HELZ: variants seen among roughly 807,000 people sequenced by gnomAD.
HELZ encodes ATP-dependent RNA helicase with zinc finger domain.
Under a neutral mutation model 218.2 loss-of-function variants are expected in HELZ, and 23 were observed. That is an observed-to-expected ratio of 0.11 (90% CI 0.08 to 0.15). HELZ has a LOEUF of 0.15. Ranked by LOEUF, HELZ falls within the 10% of genes least tolerant of loss-of-function variation. The pLI, the probability that HELZ is intolerant of heterozygous loss-of-function variation, is 1.00. For synonymous variants in HELZ, 814 were observed against 829.4 expected (o/e 0.98, Z 0.32); for missense variants, 1,813 against 2,353.7 (o/e 0.77, Z 4.75).
intron 14 of HELZ, among the ~76,000 whole-genome samples, chr17:67,166,912 A>G (rs2039162694): frequency 6.6e-6 from 1 of 152,220 alleles, no homozygotes; most frequent in African/African-American, 2.4e-5. Context: ...CCTAATCTCT[A>G]GTTAAAGGCT....
intron 32 of HELZ, 101 bp from the exon 33 acceptor site, chr17:67,078,687 C>T (rs2036091997): frequency 2.5e-6 from 2 of 792,280 alleles, no homozygotes; most frequent in South Asian, 6.7e-5. Flanking sequence ...TCTCCAGGAA[C>T]TCAAGGACAG....
intron 27 of HELZ, among the ~76,000 whole-genome samples, chr17:67,115,118 T>A (rs1047693913): frequency 6.6e-6 from 1 of 152,044 alleles, no homozygotes; most frequent in Non-Finnish European, 1.5e-5. Context: ...CATGCCAGAA[T>A]TACCTTACCA....
Position 67,146,155 on chromosome 17 carries a change from G to T in HELZ, c.2622-265C>A, listed in dbSNP as rs554535471. ...ATGATGACAGTTCAATACAAGATGA[G>T]ACTTTATGAGGAAATTTGCTAGCCT... On this transcript the variant is annotated intron_variant, in intron 20 of 32. Coordinates refer to ENST00000358691, the MANE Select transcript of HELZ (RefSeq NM_014877.4). Among the ~76,000 whole-genome samples the T allele has an allele frequency of 2.0e-5, 3 of 152,190 alleles. No homozygotes were observed. The East Asian group carries it at 5.8e-4, about 29-fold the overall frequency.
chr17:67,158,339 T>C (rs541664301), intron 17 of HELZ, among the ~76,000 whole-genome samples: 6 of 152,314 alleles, frequency 3.9e-5, no homozygotes, highest in Middle Eastern at 3.4e-3. Context: ...CAGATAAAGC[T>C]AATCTTCCCA....
intron 21 of HELZ, 111 bp from the exon 22 acceptor site, chr17:67,138,225 T>TTAA: frequency 9.2e-6 from 5 of 541,510 alleles, no homozygotes; most frequent in Non-Finnish European, 1.4e-5. Context: ...AGATGTCATT[T>TTAA]AAAAAAAAAA....
chr17:67,104,700 C>CA (rs2037043867), intron 31 of HELZ, among the ~76,000 whole-genome samples: 2 of 151,706 alleles, frequency 1.3e-5, no homozygotes, highest in African/African-American at 2.4e-5. Context: ...AACTAAGTAA[C>CA]AAAAAAATAA....
Position 67,145,823 on chromosome 17 carries a change from A to G in HELZ, c.2689T>C (p.Phe897Leu). The G allele has an allele frequency of 6.2e-7, 1 of 1,613,796 alleles. No homozygotes were observed. Among genetic ancestry groups the G allele is most frequent in the South Asian group, 1.1e-5 (1 of 91,062 alleles). Residue 897 changes from phenylalanine to leucine, a missense_variant, in exon 21 of 33, where the codon TTC (phenylalanine) becomes CTC (leucine). Phe to Leu is a conservative substitution (Grantham distance 22, BLOSUM62 0). This residue lies in a region of HELZ where 156 missense variants were observed against 274.4 expected (regional missense o/e 0.57). Coordinates refer to ENST00000358691, the MANE Select transcript of HELZ (RefSeq NM_014877.4). ...GCTGTAAAGAAAGTTAGTGGGTAGA[A>G]ATCTTTGTGTGCTGGCTGCTTCCCA... ...ASGKQPAHKD[F>L]YPLTFFTARG...
chr17:67,133,147 G>GT (rs200930673), intron 23 of HELZ, among the ~76,000 whole-genome samples: 50 of 150,892 alleles, frequency 3.3e-4, no homozygotes, highest in African/African-American at 6.6e-4. Context: ...TGAAATGTAT[G>GT]TTTTTTTTTC....
rs543378522 is a variant in HELZ at position 67,174,056 on chromosome 17, T to C, written c.1430+4603A>G. Among the ~76,000 whole-genome samples the C allele has an allele frequency of 8.7e-4, 133 of 152,300 alleles. 1 individual carries two copies. In the South Asian group the frequency reaches 0.014, roughly 16 times the overall value. Reference sequence around the variant, plus strand: ...ACACACACCAACATGTGACTGAGGATAAGAGAAGTAAAACAAATCTCAAAA... The same window carrying C: ...ACACACACCAACATGTGACTGAGGACAAGAGAAGTAAAACAAATCTCAAAA... On this transcript the variant is annotated intron_variant, in intron 13 of 32. Coordinates refer to ENST00000358691, the MANE Select transcript of HELZ (RefSeq NM_014877.4).
At chr17:67,233,596 G>A (rs2041095729) in intron 3 of HELZ, among the ~76,000 whole-genome samples, 1 of 152,008 alleles carries the variant, frequency 6.6e-6, no homozygotes, top group South Asian at 2.1e-4. Flanking sequence ...ACTTTTCAGG[G>A]CCCTAAACTT....
At chr17:67,243,168 A>C (rs1166117078) in intron 2 of HELZ, among the ~76,000 whole-genome samples, 5 of 152,246 alleles carry the variant, frequency 3.3e-5, no homozygotes, top group Non-Finnish European at 7.3e-5. Flanking sequence ...ACTTTGAATA[A>C]ATTCACACAC....
chr17:67,076,535 C>T lies in HELZ; in HGVS notation c.*1717G>A, dbSNP rs144536657. ...CGCAAAGCCACACACAAATGAACCG[C>T]ACTCTTAGCAGAAAGGTAGAGCTGA... On this transcript the variant is annotated 3_prime_UTR_variant, in exon 33 of 33. Coordinates refer to ENST00000358691, the MANE Select transcript of HELZ (RefSeq NM_014877.4). 1,672 of 152,480 alleles carry T rather than the reference C, an allele frequency of 0.011. 21 individuals carry two copies. Among genetic ancestry groups the T allele is most frequent in the South Asian group, 0.018 (85 of 4,828 alleles). 9.4% of individuals were successfully genotyped at this position (152,480 alleles called of 1,614,324 possible). A position where few individuals can be genotyped will look rare whatever the true frequency, so the allele number is the denominator to read the frequency against.
At chr17:67,231,098 C>A (rs559136595) in intron 3 of HELZ, among the ~76,000 whole-genome samples, 1 of 152,042 alleles carries the variant, frequency 6.6e-6, no homozygotes, top group East Asian at 1.9e-4. Context: ...AATTGAGGAC[C>A]ATTCTATTAA....
intron 31 of HELZ, among the ~76,000 whole-genome samples, chr17:67,094,050 G>A (rs1324725734): frequency 6.6e-6 from 1 of 152,092 alleles, no homozygotes; most frequent in Middle Eastern, 3.2e-3. Flanking sequence ...TAAGATAAAA[G>A]CTGGAAACAG....
chr17:67,225,966 T>C (rs2040877739), intron 3 of HELZ, among the ~76,000 whole-genome samples: 1 of 147,464 alleles, frequency 6.8e-6, no homozygotes, highest in Non-Finnish European at 1.5e-5. Context: ...AGATCTGAAA[T>C]ATAAAGAACT....
Position 67,072,012 on chromosome 17 carries a change from C to T in HELZ, c.*6240G>A, listed in dbSNP as rs1422624522. On this transcript the variant is annotated 3_prime_UTR_variant, in exon 33 of 33. Transcript: ENST00000358691. ...ATCCTTTGCCCTCACCACCCTCCCC[C>T]ACAAAAAAAAAAAATAATAATAACC... 9 of 147,780 alleles carry T rather than the reference C, an allele frequency of 6.1e-5. No homozygotes were observed. The highest frequency in any genetic ancestry group is 6.1e-4 in the Admixed American group (9 of 14,786). 9.2% of individuals were successfully genotyped at this position (147,780 alleles called of 1,614,324 possible). A position where few individuals can be genotyped will look rare whatever the true frequency, so the allele number is the denominator to read the frequency against.
intron 27 of HELZ, among the ~76,000 whole-genome samples, chr17:67,119,246 T>C (rs2037523797): frequency 6.6e-6 from 1 of 152,196 alleles, no homozygotes; most frequent in South Asian, 2.1e-4. Context: ...ATACAACTAA[T>C]AGGTGTATCA....
intron 5 of HELZ, among the ~76,000 whole-genome samples, chr17:67,208,176 A>G (rs183693009): frequency 2.6e-4 from 39 of 152,274 alleles, no homozygotes; most frequent in Non-Finnish European, 4.3e-4. Flanking sequence ...GGTAGTAAGG[A>G]AGGGTGGTTG....
intron 17 of HELZ, among the ~76,000 whole-genome samples, chr17:67,158,750 A>G (rs1436926428): frequency 2.6e-5 from 4 of 152,172 alleles, no homozygotes; most frequent in African/African-American, 9.7e-5. Flanking sequence ...CAACAACTAT[A>G]CATGTACCCT....
Sources: allele counts gnomAD v4.1 joint callset (sites outside exome capture counted in the v4.1 genomes callset), GRCh38; gene constraint gnomAD v4.1.1; regional missense constraint gnomAD v4.1.1; transcripts MANE v1.5; gene names NCBI Gene and HGNC (gene_info 2026-07-23, HGNC 2026-07-21).